The following CNTN5 variants were observed in gnomAD, a reference collection of about 807,000 sequenced individuals.
CNTN5 encodes contactin 5.
A neutral mutation model predicts 129.1 loss-of-function variants in CNTN5; 77 were observed. That is an observed-to-expected ratio of 0.60 (90% CI 0.50 to 0.72). The LOEUF (loss-of-function observed/expected upper bound fraction) is 0.72. Among genes scored for constraint, CNTN5 ranks in the 30% least tolerant of loss-of-function variants. The pLI is 0.00. For synonymous variants in CNTN5, 509 were observed against 465.6 expected (o/e 1.09, Z -1.20); for missense variants, 1,478 against 1,328.8 (o/e 1.11, Z -1.75).
chr11:100,339,137 CTG>C (rs1393714568), intron 21 of CNTN5, among the ~76,000 whole-genome samples: 1 of 152,132 alleles, frequency 6.6e-6, no homozygotes, highest in African/African-American at 2.4e-5. Context: ...CCATGGACAG[CTG>C]TGTGTTAGCA....
At chr11:99,951,743 T>C (rs1242343752) in intron 7 of CNTN5, among the ~76,000 whole-genome samples, 1 of 152,144 alleles carries the variant, frequency 6.6e-6, no homozygotes, top group Non-Finnish European at 1.5e-5. Context: ...CTATAATAAA[T>C]AGAGACTCAG....
At chr11:100,014,387 A>C (rs888021793) in intron 9 of CNTN5, among the ~76,000 whole-genome samples, 1 of 152,044 alleles carries the variant, frequency 6.6e-6, no homozygotes, top group Non-Finnish European at 1.5e-5. Flanking sequence ...TTTCACAAAC[A>C]TAGTTCAAAT....
At chr11:99,038,779 A>G (rs1369496720) in intron 1 of CNTN5, among the ~76,000 whole-genome samples, 1 of 151,912 alleles carries the variant, frequency 6.6e-6, no homozygotes, top group Non-Finnish European at 1.5e-5. Context: ...TATATAGTAC[A>G]TATATAGTAT....
At chr11:99,460,616 C>T (rs972407760) in intron 2 of CNTN5, among the ~76,000 whole-genome samples, 5 of 151,882 alleles carry the variant, frequency 3.3e-5, no homozygotes, top group African/African-American at 1.2e-4. Context: ...AAAAGACATC[C>T]TCTGGCCAAC....
chr11:99,894,026 G>T (rs1398604607), intron 6 of CNTN5, among the ~76,000 whole-genome samples: 2 of 151,948 alleles, frequency 1.3e-5, no homozygotes, highest in African/African-American at 2.4e-5. Flanking sequence ...GGAGCTACTG[G>T]TATCCTTAAT....
At chr11:99,192,986 GA>G (rs1858722402) in intron 1 of CNTN5, among the ~76,000 whole-genome samples, 2 of 151,966 alleles carry the variant, frequency 1.3e-5, no homozygotes, top group Non-Finnish European at 2.9e-5. Context: ...TAACACTTGA[GA>G]AAAACAAAGT....
intron 13 of CNTN5, among the ~76,000 whole-genome samples, chr11:100,189,675 A>G (rs985297766): frequency 6.6e-5 from 10 of 152,198 alleles, no homozygotes; most frequent in South Asian, 6.2e-4. Context: ...GTTGAAATGG[A>G]ATAAATAACA....
At chr11:99,966,677 C>A (rs992513452) in intron 8 of CNTN5, among the ~76,000 whole-genome samples, 3 of 152,164 alleles carry the variant, frequency 2.0e-5, no homozygotes, top group Non-Finnish European at 4.4e-5. Context: ...ATATGTTGAA[C>A]TAGCACACAA....
chr11:99,280,212 T>G (rs1863631136), intron 1 of CNTN5, among the ~76,000 whole-genome samples: 1 of 151,632 alleles, frequency 6.6e-6, no homozygotes, highest in Non-Finnish European at 1.5e-5. Flanking sequence ...CTCATGGGGC[T>G]TAAATTGGGA....
chr11:99,649,175 G>A (rs992348495), intron 3 of CNTN5, among the ~76,000 whole-genome samples: 1 of 143,498 alleles, frequency 7.0e-6, no homozygotes, highest in Non-Finnish European at 1.5e-5. Flanking sequence ...AACAATTATT[G>A]TGAATTTAAA....
At chr11:100,158,638 G>C (rs1947337002) in intron 13 of CNTN5, among the ~76,000 whole-genome samples, 1 of 151,782 alleles carries the variant, frequency 6.6e-6, no homozygotes, top group Admixed American at 6.6e-5. Flanking sequence ...AAAATACATT[G>C]TGTGATAGCC....
At chr11:99,853,433 C>T (rs1947938474) in intron 6 of CNTN5, among the ~76,000 whole-genome samples, 1 of 151,674 alleles carries the variant, frequency 6.6e-6, no homozygotes, top group African/African-American at 2.4e-5. Context: ...GAGTTTTACT[C>T]TTGTTACCGA....
chr11:99,112,163 C>T (rs1271121167), intron 1 of CNTN5, among the ~76,000 whole-genome samples: 4 of 151,866 alleles, frequency 2.6e-5, no homozygotes, highest in Non-Finnish European at 4.4e-5. Flanking sequence ...TATGTTACAC[C>T]GAAGATTTCA....
chr11:100,240,213 A>T (rs987842341), intron 16 of CNTN5, among the ~76,000 whole-genome samples: 2 of 151,152 alleles, frequency 1.3e-5, no homozygotes, highest in African/African-American at 4.9e-5. Flanking sequence ...GTTACAAATT[A>T]TCAACACCCC....
intron 13 of CNTN5, among the ~76,000 whole-genome samples, chr11:100,171,500 G>A (rs752214809): frequency 3.3e-5 from 5 of 151,982 alleles, no homozygotes; most frequent in Non-Finnish European, 5.9e-5. Flanking sequence ...TCATGTCCAA[G>A]TTAATGTGAA....
chr11:99,636,087 AT>A (rs35696243), intron 3 of CNTN5, among the ~76,000 whole-genome samples: 27 of 151,210 alleles, frequency 1.8e-4, no homozygotes, highest in East Asian at 5.9e-4. Context: ...CTAGGAAAGC[AT>A]TTTTTTTTAA....
intron 3 of CNTN5, among the ~76,000 whole-genome samples, chr11:99,727,066 G>C (rs1242857307): frequency 6.6e-6 from 1 of 151,182 alleles, no homozygotes; most frequent in Non-Finnish European, 1.5e-5. Flanking sequence ...CAGCACTTTG[G>C]GAGGCCGAGG....
At chr11:99,630,267 T>C (rs1591387315) in intron 3 of CNTN5, among the ~76,000 whole-genome samples, 2 of 136,864 alleles carry the variant, frequency 1.5e-5, no homozygotes, top group South Asian at 4.8e-4. Flanking sequence ...TATATATATA[T>C]ATGTATATAC....
chr11:99,111,951 G>A (rs1477550933), intron 1 of CNTN5, among the ~76,000 whole-genome samples: 1 of 151,960 alleles, frequency 6.6e-6, no homozygotes, highest in African/African-American at 2.4e-5. Flanking sequence ...AGTTCACTAA[G>A]CATATTATTT....
Sources: allele counts gnomAD v4.1 joint callset (sites outside exome capture counted in the v4.1 genomes callset), GRCh38; gene constraint gnomAD v4.1.1; transcripts MANE v1.5; gene names NCBI Gene and HGNC (gene_info 2026-07-23, HGNC 2026-07-21).